TEC: variants seen among roughly 807,000 people sequenced by gnomAD.
The protein encoded by TEC is tec protein tyrosine kinase, also known as tyrosine-protein kinase Tec.
In TEC, 72 loss-of-function variants were observed where a neutral mutation model predicts 93.0. That is an observed-to-expected ratio of 0.77 (90% confidence interval 0.64 to 0.94). The LOEUF (loss-of-function observed/expected upper bound fraction) is 0.94. Among genes scored for constraint, TEC ranks in the 40% least tolerant of loss-of-function variants. The pLI is 0.00. For missense variants in TEC, 630 were observed against 757.9 expected (o/e 0.83, Z 1.98); for synonymous variants, 249 against 247.7 (o/e 1.01, Z -0.05).
intron 2 of TEC, among the ~76,000 whole-genome samples, chr4:48,182,535 CTGTGTGTGTGTG>C (rs60434609): frequency 4.1e-5 from 6 of 147,234 alleles, no homozygotes; most frequent in Admixed American, 1.4e-4. Flanking sequence ...GGGCAATACT[CTGTGTGTGTGTG>C]TGTGTGTGTG....
At chr4:48,255,459 A>G (rs1375373001) in intron 1 of TEC, among the ~76,000 whole-genome samples, 1 of 152,072 alleles carries the variant, frequency 6.6e-6, no homozygotes, top group Non-Finnish European at 1.5e-5. Flanking sequence ...GGTAGTGTCA[A>G]CTCCACCCAA....
At chr4:48,196,761 G>A (rs1051539003) in intron 2 of TEC, among the ~76,000 whole-genome samples, 1 of 152,156 alleles carries the variant, frequency 6.6e-6, no homozygotes, top group African/African-American at 2.4e-5. Flanking sequence ...TAATAGAAAC[G>A]ACCAGTGTCT....
At chr4:48,185,652 A>AAT (rs903134204) in intron 2 of TEC, among the ~76,000 whole-genome samples, 1 of 152,176 alleles carries the variant, frequency 6.6e-6, no homozygotes, top group African/African-American at 2.4e-5. Context: ...AGAAACCAGT[A>AAT]ATATATATAT....
chr4:48,179,498 C>A (rs1363429597), intron 2 of TEC, among the ~76,000 whole-genome samples: 8 of 146,826 alleles, frequency 5.4e-5, no homozygotes, highest in African/African-American at 7.6e-5. Context: ...AAGCAATTAT[C>A]CTGCCTTAGC....
At chr4:48,187,033 T>C (rs1044568155) in intron 2 of TEC, among the ~76,000 whole-genome samples, 1 of 152,268 alleles carries the variant, frequency 6.6e-6, no homozygotes, top group Non-Finnish European at 1.5e-5. Flanking sequence ...AGATTGTTAC[T>C]GTGTCTGTGT....
chr4:48,146,635 A>G (rs189256277), intron 11 of TEC, among the ~76,000 whole-genome samples: 39 of 152,318 alleles, frequency 2.6e-4, no homozygotes, highest in Admixed American at 2.4e-3. Flanking sequence ...ATTTTAAAGG[A>G]TGTTAAAAGG....
chr4:48,178,270 C>T (rs1324745683), intron 2 of TEC, among the ~76,000 whole-genome samples: 1 of 152,234 alleles, frequency 6.6e-6, no homozygotes, highest in Non-Finnish European at 1.5e-5. Flanking sequence ...GACTCACTCC[C>T]TCTCTGCTTT....
At chr4:48,176,513 C>A (rs780707740) in intron 2 of TEC, among the ~76,000 whole-genome samples, 6 of 152,060 alleles carry the variant, frequency 3.9e-5, no homozygotes, top group Non-Finnish European at 8.8e-5. Context: ...TTGAGGCCAG[C>A]AGTTCGAGAC....
chr4:48,224,730 T>C (rs2109632408), intron 2 of TEC, among the ~76,000 whole-genome samples: 1 of 152,278 alleles, frequency 6.6e-6, no homozygotes, highest in African/African-American at 2.4e-5. Flanking sequence ...GAGGAAATGG[T>C]TTGAGTGAAT....
intron 10 of TEC, among the ~76,000 whole-genome samples, chr4:48,150,365 T>G (rs1720105969): frequency 6.6e-6 from 1 of 152,210 alleles, no homozygotes; most frequent in African/African-American, 2.4e-5. Context: ...AAGTTTTTCC[T>G]GCTCGCCTAT....
At chr4:48,190,170 T>C (rs1722042563) in intron 2 of TEC, among the ~76,000 whole-genome samples, 1 of 152,232 alleles carries the variant, frequency 6.6e-6, no homozygotes. Flanking sequence ...TGTTCAATAC[T>C]GTCTGAAATG....
intron 2 of TEC, among the ~76,000 whole-genome samples, chr4:48,224,456 C>G (rs1483413470): frequency 1.3e-5 from 2 of 152,140 alleles, no homozygotes; most frequent in African/African-American, 4.8e-5. Flanking sequence ...CATGGAGCCT[C>G]CACTGAAACA....
intron 9 of TEC, among the ~76,000 whole-genome samples, chr4:48,151,885 T>C (rs1720185124): frequency 6.6e-6 from 1 of 152,218 alleles, no homozygotes; most frequent in Admixed American, 6.5e-5. Context: ...AGGTCAAATC[T>C]TTCTCAGCTT....
At chr4:48,258,170 C>A (rs1724395388) in intron 1 of TEC, among the ~76,000 whole-genome samples, 2 of 133,198 alleles carry the variant, frequency 1.5e-5, no homozygotes, top group African/African-American at 2.8e-5. Flanking sequence ...GAGAAGGAAT[C>A]TCACTCTGTC....
chr4:48,198,753 A>G (rs2109592214), intron 2 of TEC, among the ~76,000 whole-genome samples: 1 of 152,214 alleles, frequency 6.6e-6, no homozygotes, highest in African/African-American at 2.4e-5. Context: ...GGGAAAAAAT[A>G]TATTTTTTTC....
chr4:48,195,558 CATTCATCA>C (rs1001688365), intron 2 of TEC, among the ~76,000 whole-genome samples: 7 of 152,310 alleles, frequency 4.6e-5, no homozygotes, highest in African/African-American at 1.7e-4. Flanking sequence ...CAGCTCCTTG[CATTCATCA>C]ATCTTAAAGT....
chr4:48,192,672 G>T (rs529253975), intron 2 of TEC, among the ~76,000 whole-genome samples: 11 of 152,076 alleles, frequency 7.2e-5, no homozygotes, highest in Non-Finnish European at 1.6e-4. Context: ...TGAGTAGAAA[G>T]ATTAAGCAAA....
At chr4:48,200,525 G>C (rs182172368) in intron 2 of TEC, among the ~76,000 whole-genome samples, 6 of 152,204 alleles carry the variant, frequency 3.9e-5, no homozygotes, top group Non-Finnish European at 7.3e-5. Flanking sequence ...GGATGCGGCA[G>C]AAATTGCTAG....
At chr4:48,202,642 G>A (rs1722570926) in intron 2 of TEC, among the ~76,000 whole-genome samples, 1 of 152,122 alleles carries the variant, frequency 6.6e-6, no homozygotes, top group South Asian at 2.1e-4. Flanking sequence ...TGCCAGTTTT[G>A]CTTTAAATTT....
Sources: allele counts gnomAD v4.1 joint callset (sites outside exome capture counted in the v4.1 genomes callset), GRCh38; gene constraint gnomAD v4.1.1; transcripts MANE v1.5; gene names NCBI Gene and HGNC (gene_info 2026-07-23, HGNC 2026-07-21).